The following TRPC6 variants were observed in gnomAD, a reference collection of about 807,000 sequenced individuals.
The protein encoded by TRPC6 is transient receptor potential cation channel subfamily C member 6, also known as short transient receptor potential channel 6.
A neutral mutation model predicts 90.7 loss-of-function variants in TRPC6; 55 were observed. The ratio of observed to expected loss-of-function variants is 0.61; its 90% CI spans 0.49 to 0.76. The LOEUF (loss-of-function observed/expected upper bound fraction) is 0.76. Among genes scored for constraint, TRPC6 ranks in the 30% least tolerant of loss-of-function variants. The pLI, the probability that TRPC6 is intolerant of heterozygous loss-of-function variation, is 0.00. For synonymous variants in TRPC6, 393 were observed against 393.0 expected (o/e 1.00, Z 0.00); for missense variants, 989 against 1,122.7 (o/e 0.88, Z 1.70).
intron 1 of TRPC6, among the ~76,000 whole-genome samples, chr11:101,530,843 T>C (rs1860896808): frequency 6.6e-6 from 1 of 151,912 alleles, no homozygotes; most frequent in African/African-American, 2.4e-5. Flanking sequence ...AATAAATAAA[T>C]AGAAATCATA....
At position 101,574,360 on chromosome 11, in the gene TRPC6, G is replaced by C. The variant is rs982788404; in HGVS notation, c.170+8974C>G. On this transcript the variant is annotated intron_variant, in intron 1 of 12. Coordinates refer to ENST00000344327, the MANE Select transcript of TRPC6 (RefSeq NM_004621.6). The stretch of plus-strand genomic sequence containing the variant: ...TTGAGTATAAAGAACTGTTTTAAGA[G>C]GTATAAAATAAAAATCTAAGATATA... Among the ~76,000 whole-genome samples the C allele has an allele frequency of 3.3e-5, 5 of 150,830 alleles. 1 individual carries two copies. Among genetic ancestry groups the C allele is most frequent in the African/African-American group, 9.9e-5 (4 of 40,534 alleles).
chr11:101,462,341 G>T (rs1201576187), intron 10 of TRPC6, among the ~76,000 whole-genome samples: 1 of 152,312 alleles, frequency 6.6e-6, no homozygotes, highest in East Asian at 1.9e-4. Context: ...TTCCAATTCA[G>T]TGAAGAAAGT....
At chr11:101,499,545 A>C in intron 2 of TRPC6, among the ~76,000 whole-genome samples, 1 of 144,644 alleles carries the variant, frequency 6.9e-6, no homozygotes, top group Non-Finnish European at 1.5e-5. Context: ...ATACCAACTA[A>C]TTTTTAGCTA....
intron 1 of TRPC6, among the ~76,000 whole-genome samples, chr11:101,549,484 T>C (rs1228992700): frequency 6.6e-6 from 1 of 151,680 alleles, no homozygotes; most frequent in Non-Finnish European, 1.5e-5. Context: ...TCAGATCTTA[T>C]ACTGGTAGTT....
Position 101,489,118 on chromosome 11 carries a change from A to G in TRPC6, c.1129-17T>C, listed in dbSNP as rs554215878. ...AGCTACAAACTAGCAGGGAAGTGAC[A>G]AAATATTTAAATTTGACTAAAGAAA... On this transcript the variant is annotated splice_polypyrimidine_tract_variant and intron_variant, in intron 3 of 12. Transcript: ENST00000344327. 1.9e-6 allele frequency: 3 copies of G among 1,613,162 alleles called. No homozygotes were observed. Among genetic ancestry groups the G allele is most frequent in the African/African-American group, 2.7e-5 (2 of 75,028 alleles).
intron 10 of TRPC6, among the ~76,000 whole-genome samples, chr11:101,460,857 AT>A (rs1349566481): frequency 2.0e-5 from 3 of 152,208 alleles, no homozygotes; most frequent in Non-Finnish European, 4.4e-5. Context: ...TGCTATGAAT[AT>A]TTAGGTTTTG....
intron 1 of TRPC6, among the ~76,000 whole-genome samples, chr11:101,559,432 G>C (rs929190543): frequency 6.6e-6 from 1 of 152,138 alleles, no homozygotes; most frequent in African/African-American, 2.4e-5. Flanking sequence ...CCTAGGGAGT[G>C]ATTTTCCATG....
intron 2 of TRPC6, among the ~76,000 whole-genome samples, chr11:101,499,728 T>TATAAA (rs530350212): frequency 3.5e-5 from 1 of 28,790 alleles, no homozygotes; most frequent in African/African-American, 1.9e-4. Flanking sequence ...ATATTGTGTA[T>TATAAA]ATGTGTATAT....
chr11:101,510,234 A>T (rs912241294), intron 1 of TRPC6, among the ~76,000 whole-genome samples: 3 of 152,162 alleles, frequency 2.0e-5, no homozygotes, highest in African/African-American at 7.2e-5. Context: ...CAACTTTTTA[A>T]GTAACAGATA....
chr11:101,486,335 T>C (rs904025594), intron 4 of TRPC6, among the ~76,000 whole-genome samples: 6 of 152,082 alleles, frequency 3.9e-5, no homozygotes, highest in Non-Finnish European at 4.4e-5. Context: ...AAAATAACTA[T>C]AAAGGAGGAG....
intron 1 of TRPC6, among the ~76,000 whole-genome samples, chr11:101,569,767 C>G (rs1861916622): frequency 6.6e-6 from 1 of 152,184 alleles, no homozygotes; most frequent in Non-Finnish European, 1.5e-5. Flanking sequence ...TCCTGAATGA[C>G]TACTGTGTAA....
intron 10 of TRPC6, among the ~76,000 whole-genome samples, chr11:101,461,807 A>C (rs1859011136): frequency 6.6e-6 from 1 of 152,148 alleles, no homozygotes; most frequent in Non-Finnish European, 1.5e-5. Flanking sequence ...CACCTTCATC[A>C]GTTAGTTTGC....
chr11:101,539,041 C>T (rs1035352739), intron 1 of TRPC6, among the ~76,000 whole-genome samples: 15 of 152,284 alleles, frequency 9.9e-5, no homozygotes, highest in Non-Finnish European at 1.3e-4. Flanking sequence ...CCTGCAGAAC[C>T]GTGAGAAATA....
At position 101,485,577 on chromosome 11, in the gene TRPC6, C is replaced by T. The variant is rs577218771; in HGVS notation, c.1294-2412G>A. Among the ~76,000 whole-genome samples the T allele has an allele frequency of 1.8e-4, 22 of 125,532 alleles. 2 individuals are homozygous for T. In the South Asian group the frequency reaches 5.2e-3, roughly 30 times the overall value. The allele number at this position is 125,532 out of a possible 152,430, so 82.4% of individuals were successfully genotyped here. A position where few individuals can be genotyped will look rare whatever the true frequency, so the allele number is the denominator to read the frequency against. On this transcript the variant is annotated intron_variant, in intron 4 of 12. Coordinates refer to ENST00000344327, the MANE Select transcript of TRPC6 (RefSeq NM_004621.6). ...GGGAAAATCCATTATAAATCCTAAACTTTTTTTTTTTTAATTCTCAATTTA... is the reference window on the plus strand; with the variant it reads ...GGGAAAATCCATTATAAATCCTAAATTTTTTTTTTTTTAATTCTCAATTTA...
At chr11:101,560,347 G>A (rs746036949) in intron 1 of TRPC6, among the ~76,000 whole-genome samples, 167 of 151,692 alleles carry the variant, frequency 1.1e-3, no homozygotes, top group Admixed American at 6.9e-3. Flanking sequence ...GAGCCTCCAG[G>A]CAACAACTGG....
intron 4 of TRPC6, among the ~76,000 whole-genome samples, chr11:101,488,139 G>A (rs1029178683): frequency 6.6e-6 from 1 of 152,170 alleles, no homozygotes; most frequent in Non-Finnish European, 1.5e-5. Flanking sequence ...ATTTCAATCT[G>A]CCTCTCAGAG....
chr11:101,522,573 C>T (rs1483941658), intron 1 of TRPC6, among the ~76,000 whole-genome samples: 1 of 152,250 alleles, frequency 6.6e-6, no homozygotes, highest in African/African-American at 2.4e-5. Context: ...CAACCTCTAA[C>T]ATTCCAGGTT....
chr11:101,531,636 G>A (rs761505740), intron 1 of TRPC6, among the ~76,000 whole-genome samples: 49 of 152,082 alleles, frequency 3.2e-4, no homozygotes, highest in Non-Finnish European at 5.3e-4. Flanking sequence ...AATGAAGCAG[G>A]CACAATTTGA....
chr11:101,459,663 A>G (rs999822334), intron 10 of TRPC6, among the ~76,000 whole-genome samples: 5 of 152,172 alleles, frequency 3.3e-5, no homozygotes, highest in Non-Finnish European at 5.9e-5. Flanking sequence ...CATATTTTCT[A>G]TCATAAAGAA....
Sources: gnomAD v4.1 joint callset for allele counts (sites outside exome capture counted in the v4.1 genomes callset) on GRCh38, gnomAD v4.1.1 for gene constraint, MANE v1.5 for transcripts, NCBI Gene and HGNC (gene_info 2026-07-23, HGNC 2026-07-21) for gene names.